Variants in AFF3 observed in about 807,000 individuals in gnomAD.
AFF3 encodes ALF transcription elongation factor 3, also known as AF4/FMR2 family member 3.
In AFF3, 32 loss-of-function variants were observed where a neutral mutation model predicts 129.7. The ratio of observed to expected loss-of-function variants is 0.25; its 90% CI spans 0.19 to 0.33. The LOEUF (loss-of-function observed/expected upper bound fraction) is 0.33, where lower values mean the gene tolerates loss of function less well. Ranked by LOEUF, AFF3 falls within the 10% of genes least tolerant of loss-of-function variation. The pLI is 1.00. For synonymous variants in AFF3, 644 were observed against 635.4 expected, an observed-to-expected ratio of 1.01 and a Z score of -0.20; for missense variants, 1,373 against 1,592.0, an observed-to-expected ratio of 0.86 and a Z score of 2.34.
intron 8 of AFF3, among the ~76,000 whole-genome samples, chr2:99,818,484 G>T (rs570997761): frequency 5.3e-5 from 8 of 152,204 alleles, no homozygotes; most frequent in African/African-American, 1.9e-4. Context: ...TTGTTTAAAC[G>T]TCTATGTAAA....
At chr2:99,667,145 A>C (rs1042100320) in intron 12 of AFF3, among the ~76,000 whole-genome samples, 1 of 152,198 alleles carries the variant, frequency 6.6e-6, no homozygotes, top group Non-Finnish European at 1.5e-5. Flanking sequence ...GGTCATAAAA[A>C]ATCCTCAACA....
intron 9 of AFF3, among the ~76,000 whole-genome samples, chr2:99,744,763 CAAT>C (rs1181735932): frequency 2.0e-5 from 3 of 152,134 alleles, no homozygotes; most frequent in Admixed American, 2.0e-4. Flanking sequence ...GGATATACAA[CAAT>C]GTGTTTATCC....
chr2:99,916,948 G>T (rs1440522697), intron 7 of AFF3, among the ~76,000 whole-genome samples: 1 of 152,108 alleles, frequency 6.6e-6, no homozygotes, highest in Non-Finnish European at 1.5e-5. Context: ...GATTGCCAGA[G>T]ATCTCTCAGA....
Position 100,110,872 on chromosome 2 carries a change from T to C in AFF3, c.-144-5289A>G, listed in dbSNP as rs1166841572. ...TAACTGTATTTTCTAGTCTCTCTTA[T>C]TGCAAGAACTGGGCATATGACTTAG... On this transcript the variant is annotated intron_variant, in intron 2 of 24. Coordinates refer to ENST00000672756, the MANE Select transcript of AFF3 (RefSeq NM_001386135.1). 2.0e-5 allele frequency among the ~76,000 whole-genome samples: 3 copies of C among 152,228 alleles called. No individual in the cohort carries two copies. In the East Asian group the frequency reaches 5.8e-4, roughly 29 times the overall value.
chr2:99,790,093 A>AT (rs1575992089), intron 8 of AFF3, among the ~76,000 whole-genome samples: 1 of 152,358 alleles, frequency 6.6e-6, no homozygotes, highest in East Asian at 1.9e-4. Flanking sequence ...TCTTCCAACG[A>AT]AATGACTACT....
At chr2:99,828,547 G>C (rs552383281) in intron 8 of AFF3, among the ~76,000 whole-genome samples, 6 of 152,298 alleles carry the variant, frequency 3.9e-5, no homozygotes, top group African/African-American at 1.4e-4. Context: ...AGCTAGCAGA[G>C]ACCGCCACGA....
intron 1 of AFF3, among the ~76,000 whole-genome samples, chr2:100,141,349 A>G (rs981148668): frequency 2.0e-5 from 3 of 152,328 alleles, no homozygotes; most frequent in Admixed American, 1.3e-4. Context: ...CACAACCAAA[A>G]CTAAGAATAT....
intron 8 of AFF3, 130 bp from the exon 9 acceptor site, chr2:99,752,431 G>T (rs941311437): frequency 8.2e-5 from 54 of 655,092 alleles, no homozygotes; most frequent in Non-Finnish European, 1.1e-4. Flanking sequence ...AAGGCTGAAA[G>T]AATTTTAAAA....
chr2:99,671,402 C>T (rs1687132205), intron 12 of AFF3, among the ~76,000 whole-genome samples: 1 of 152,174 alleles, frequency 6.6e-6, no homozygotes, highest in African/African-American at 2.4e-5. Context: ...CTCCACCTGC[C>T]AATCTGGTTT....
intron 7 of AFF3, among the ~76,000 whole-genome samples, chr2:99,876,356 C>T (rs1692298540): frequency 6.6e-6 from 1 of 152,192 alleles, no homozygotes; most frequent in African/African-American, 2.4e-5. Flanking sequence ...TAAACTTCTC[C>T]TTTTTCCATC....
At position 100,118,065 on chromosome 2, in the gene AFF3, T is replaced by G. The variant is rs552007545; in HGVS notation, c.-145+11159A>C. On this transcript the variant is annotated intron_variant, in intron 2 of 24. Coordinates refer to ENST00000672756, the MANE Select transcript of AFF3 (RefSeq NM_001386135.1). ...CCAGGGAAGGCCACCAGGGGAAAAG[T>G]GATCCTAAACACCACATTTACTTCC... Among the ~76,000 whole-genome samples, 3 of 152,356 alleles carry G rather than the reference T, an allele frequency of 2.0e-5. No individual in the cohort carries two copies. The South Asian group carries it at 6.2e-4, about 32-fold the overall frequency.
chr2:99,905,225 T>G (rs1212252780), intron 7 of AFF3, among the ~76,000 whole-genome samples: 1 of 152,202 alleles, frequency 6.6e-6, no homozygotes, highest in Non-Finnish European at 1.5e-5. Flanking sequence ...GCTCTTGCCC[T>G]CCGTGGAGCC....
intron 8 of AFF3, among the ~76,000 whole-genome samples, chr2:99,822,516 A>G (rs1011802753): frequency 3.9e-5 from 6 of 152,156 alleles, no homozygotes; most frequent in Non-Finnish European, 8.8e-5. Flanking sequence ...TGTGGCACAC[A>G]CTTTGAAAAT....
chr2:99,567,815 T>TG (rs979204283), intron 19 of AFF3, among the ~76,000 whole-genome samples: 12 of 152,296 alleles, frequency 7.9e-5, no homozygotes, highest in Non-Finnish European at 1.5e-4. Flanking sequence ...GAATGAATAA[T>TG]GCTGTAAACT....
Position 100,007,005 on chromosome 2 carries a change from G to A in AFF3, c.500C>T (p.Ser167Phe). ...DGQQRATQQG[S>F]LRTLLGDGVG... Reference sequence around the variant, plus strand: ...ACCATCTCCAAGCAAGGTCCTGAGAGAGCCCTGTTGTGCTGAGTTGGAAGA... The same window carrying A: ...ACCATCTCCAAGCAAGGTCCTGAGAAAGCCCTGTTGTGCTGAGTTGGAAGA... Residue 167 changes from serine to phenylalanine, a missense_variant, in exon 7 of 25, where the codon TCT becomes TTT. Physicochemically the swap from Ser to Phe is radical, Grantham distance 155. Around this residue, in one of 9 missense-constraint regions of AFF3, gnomAD observed 255 missense variants for 256.0 expected, o/e 1.00. Coordinates refer to ENST00000672756, the MANE Select transcript of AFF3 (RefSeq NM_001386135.1). The A allele has an allele frequency of 1.9e-6, 3 of 1,608,978 alleles. No individual in the cohort carries two copies. Among genetic ancestry groups the A allele is most frequent in the Non-Finnish European group, 2.5e-6 (3 of 1,176,554 alleles).
At chr2:99,965,420 T>A (rs377716462) in intron 7 of AFF3, among the ~76,000 whole-genome samples, 13 of 152,352 alleles carry the variant, frequency 8.5e-5, no homozygotes, top group African/African-American at 3.1e-4. Context: ...TGGACTTCAA[T>A]TATTCCAGTC....
At chr2:99,780,436 C>A (rs188680159) in intron 8 of AFF3, among the ~76,000 whole-genome samples, 2 of 152,164 alleles carry the variant, frequency 1.3e-5, no homozygotes, top group Non-Finnish European at 2.9e-5. Flanking sequence ...GACTGTGCAA[C>A]CCAGGGTTTG....
chr2:100,019,681 C>T (rs182223954), intron 4 of AFF3, among the ~76,000 whole-genome samples: 1 of 152,298 alleles, frequency 6.6e-6, no homozygotes, highest in East Asian at 1.9e-4. Context: ...GAAGAGAACA[C>T]AGAGCAGCCC....
intron 7 of AFF3, among the ~76,000 whole-genome samples, chr2:99,897,549 G>C (rs991490378): frequency 1.3e-5 from 2 of 152,040 alleles, no homozygotes; most frequent in Non-Finnish European, 2.9e-5. Flanking sequence ...TCCTCACACT[G>C]ACCTCCCACT....
Sources: allele counts gnomAD v4.1 joint callset (sites outside exome capture counted in the v4.1 genomes callset), GRCh38; gene constraint gnomAD v4.1.1; regional missense constraint gnomAD v4.1.1; transcripts MANE v1.5; gene names NCBI Gene and HGNC (gene_info 2026-07-23, HGNC 2026-07-21).